Variants in DMD observed in about 807,000 individuals in gnomAD.
The protein encoded by DMD is dystrophin.
A neutral mutation model predicts 330.1 loss-of-function variants in DMD; 63 were observed. The ratio of observed to expected loss-of-function variants is 0.19; its 90% CI spans 0.16 to 0.24. DMD has a LOEUF of 0.24. Among genes scored for constraint, DMD ranks in the 10% least tolerant of loss-of-function variants. The pLI, the probability that DMD is intolerant of heterozygous loss-of-function variation, is 1.00. For synonymous variants in DMD, 1,223 were observed against 959.8 expected (o/e 1.27, Z -5.07); for missense variants, 3,344 against 2,684.1 (o/e 1.25, Z -5.43).
chrX:32,406,289 G>A (rs1248171843), intron 30 of DMD, among the ~76,000 whole-genome samples: 1 of 111,476 alleles, frequency 9.0e-6, no homozygotes, highest in Non-Finnish European at 1.9e-5. Context: ...CCAACAGTAT[G>A]TTGAATAGGA....
intron 48 of DMD, among the ~76,000 whole-genome samples, chrX:31,852,641 G>A (rs1357672696): frequency 8.9e-6 from 1 of 111,743 alleles, no homozygotes; most frequent in Non-Finnish European, 1.9e-5. Flanking sequence ...TAGAGAAACG[G>A]TTAGGTTCAG....
chrX:32,922,556 A>G (rs1244256140), intron 2 of DMD, among the ~76,000 whole-genome samples: 1 of 112,362 alleles, frequency 8.9e-6, no homozygotes, highest in Non-Finnish European at 1.9e-5. Context: ...AACATTTATC[A>G]TTAAATTCTC....
At chrX:31,872,035 G>A (rs1400112920) in intron 48 of DMD, among the ~76,000 whole-genome samples, 2 of 107,937 alleles carry the variant, frequency 1.9e-5, no homozygotes, top group African/African-American at 6.7e-5. Context: ...GGGGGTTTGA[G>A]AATTTTTGGG....
chrX:32,197,202 G>A (rs755909089), intron 44 of DMD, among the ~76,000 whole-genome samples: 6 of 109,901 alleles, frequency 5.5e-5, no homozygotes, highest in Non-Finnish European at 1.1e-4. Flanking sequence ...CATCGTAGGA[G>A]TATATATTTG....
At chrX:31,350,060 C>T (rs1265234390) in intron 60 of DMD, among the ~76,000 whole-genome samples, 2 of 110,832 alleles carry the variant, frequency 1.8e-5, no homozygotes, top group Non-Finnish European at 3.8e-5. Flanking sequence ...GTGGGGTTCC[C>T]CTACAATGCA....
chrX:31,667,041 T>G, intron 53 of DMD, among the ~76,000 whole-genome samples: 1 of 112,330 alleles, frequency 8.9e-6, no homozygotes. Flanking sequence ...TTCAGGGTTG[T>G]GCAACCATTA....
chrX:31,138,324 G>C (rs2035522378), intron 76 of DMD, among the ~76,000 whole-genome samples: 1 of 111,388 alleles, frequency 9.0e-6, no homozygotes, highest in Non-Finnish European at 1.9e-5. Context: ...TGAGAATTTT[G>C]TGGTTATTTG....
intron 42 of DMD, among the ~76,000 whole-genome samples, chrX:32,293,695 A>G (rs777387476): frequency 8.9e-5 from 10 of 111,930 alleles, no homozygotes; most frequent in Non-Finnish European, 1.3e-4. Context: ...TGATAAAAAC[A>G]AAACTCATAA....
intron 60 of DMD, among the ~76,000 whole-genome samples, chrX:31,360,601 G>A (rs1006101597): frequency 8.9e-6 from 1 of 112,423 alleles, no homozygotes; most frequent in East Asian, 2.8e-4. Flanking sequence ...TGTGTTAAAT[G>A]TAACAATATC....
At chrX:31,356,413 C>G (rs2058679104) in intron 60 of DMD, among the ~76,000 whole-genome samples, 1 of 110,606 alleles carries the variant, frequency 9.0e-6, no homozygotes, top group Non-Finnish European at 1.9e-5. Flanking sequence ...TCTATACAAC[C>G]TACCAGAAGA....
chrX:33,117,714 T>C (rs1222056438), intron 1 of DMD, among the ~76,000 whole-genome samples: 1 of 111,480 alleles, frequency 9.0e-6, no homozygotes, highest in African/African-American at 3.3e-5. Flanking sequence ...TGTGTCCTGA[T>C]TACAAATCAT....
chrX:31,333,071 G>A (rs2057220882), intron 61 of DMD, among the ~76,000 whole-genome samples: 1 of 111,181 alleles, frequency 9.0e-6, no homozygotes, highest in Non-Finnish European at 1.9e-5. Flanking sequence ...AAAATGTTAC[G>A]CGGTTCTCAG....
chrX:32,848,972 T>C (rs932795817), intron 3 of DMD, among the ~76,000 whole-genome samples: 2 of 111,088 alleles, frequency 1.8e-5, no homozygotes, highest in African/African-American at 6.5e-5. Context: ...TTGTATAATA[T>C]GACAAAATCT....
At chrX:31,569,652 A>G (rs748302364) in intron 55 of DMD, among the ~76,000 whole-genome samples, 22 of 93,189 alleles carry the variant, frequency 2.4e-4, no homozygotes, top group African/African-American at 8.6e-4. Flanking sequence ...GTATATACGT[A>G]TATATACGTA....
chrX:32,942,068 T>C (rs951473176), intron 2 of DMD, among the ~76,000 whole-genome samples: 2 of 111,781 alleles, frequency 1.8e-5, no homozygotes, highest in South Asian at 7.5e-4. Context: ...CCAGAGACGT[T>C]TCCCCTTTAC....
intron 55 of DMD, among the ~76,000 whole-genome samples, chrX:31,614,312 G>A (rs1479777841): frequency 8.9e-6 from 1 of 111,992 alleles, no homozygotes; most frequent in Non-Finnish European, 1.9e-5. Context: ...CAACTGAAAT[G>A]CTGCTTCCTG....
intron 77 of DMD, among the ~76,000 whole-genome samples, chrX:31,128,629 C>T (rs1264788949): frequency 6.3e-5 from 7 of 111,957 alleles, no homozygotes; most frequent in African/African-American, 1.9e-4. Flanking sequence ...AAGCCATATT[C>T]AGAACTCAGT....
chrX:33,145,476 T>A (rs1432194580), intron 1 of DMD, among the ~76,000 whole-genome samples: 1 of 111,723 alleles, frequency 9.0e-6, no homozygotes, highest in African/African-American at 3.2e-5. Context: ...TAATTTCTTT[T>A]TCAGAAATGT....
chrX:32,049,429 A>G (rs2096089808), intron 44 of DMD, among the ~76,000 whole-genome samples: 1 of 111,585 alleles, frequency 9.0e-6, no homozygotes, highest in Non-Finnish European at 1.9e-5. Context: ...GTGCTAGTGC[A>G]TATATAATTA....
Sources: allele counts gnomAD v4.1 joint callset (sites outside exome capture counted in the v4.1 genomes callset), GRCh38; gene constraint gnomAD v4.1.1; transcripts MANE v1.5; gene names NCBI Gene and HGNC (gene_info 2026-07-23, HGNC 2026-07-21).